ABR: variants seen among roughly 807,000 people sequenced by gnomAD.
ABR encodes ABR activator of RhoGEF and GTPase.
A neutral mutation model predicts 107.2 loss-of-function variants in ABR; 35 were observed. The observed-to-expected ratio is 0.33, with a 90% CI of 0.25 to 0.43. ABR has a LOEUF of 0.43. ABR is among the 20% of genes least tolerant of loss of function. The probability of loss-of-function intolerance (pLI) is 1.00; values close to 1 mark genes in which losing one functional copy is unlikely to be tolerated. For missense variants in ABR, 815 were observed against 1,115.2 expected, an observed-to-expected ratio of 0.73 and a Z score of 3.83; for synonymous variants, 498 against 462.0, an observed-to-expected ratio of 1.08 and a Z score of -1.00.
At chr17:1,177,043 G>T (rs1296041106) in intron 1 of ABR, among the ~76,000 whole-genome samples, 1 of 151,982 alleles carries the variant, frequency 6.6e-6, no homozygotes, top group Non-Finnish European at 1.5e-5. Flanking sequence ...CTGCCACCCT[G>T]TGCCCTGGGT....
chr17:1,220,201 G>A (rs1184642503), intron 1 of ABR, among the ~76,000 whole-genome samples: 1 of 151,920 alleles, frequency 6.6e-6, no homozygotes. Flanking sequence ...TGAGACAGGA[G>A]AATGGTGTGG....
chr17:1,115,467 T>C (rs1203977037), intron 2 of ABR: 1 of 152,262 alleles, frequency 6.6e-6, no homozygotes, highest in Non-Finnish European at 1.5e-5. Context: ...CTTCAGCCAA[T>C]GGGAACTGAC....
intron 16 of ABR, among the ~76,000 whole-genome samples, chr17:1,022,190 G>T (rs918649456): frequency 2.2e-4 from 33 of 152,098 alleles, no homozygotes; most frequent in African/African-American, 8.0e-4. Context: ...CGTGGAAGGT[G>T]GAGCTGTGTG....
intron 18 of ABR, chr17:1,012,188 G>A (rs779497064): frequency 1.9e-5 from 15 of 800,374 alleles, no homozygotes; most frequent in Admixed American, 6.0e-5. Flanking sequence ...GGGCATCGAC[G>A]GACGTGGGCA....
intron 1 of ABR, among the ~76,000 whole-genome samples, chr17:1,197,422 C>G (rs2042590454): frequency 6.6e-6 from 1 of 151,552 alleles, no homozygotes; most frequent in Admixed American, 6.6e-5. Flanking sequence ...AGACACCATC[C>G]CTCTGGCTCC....
upstream of ABR, among the ~76,000 whole-genome samples, chr17:1,183,987 G>A (rs544667286): frequency 6.6e-6 from 1 of 152,296 alleles, no homozygotes; most frequent in South Asian, 2.1e-4. Context: ...GAGATGGGCA[G>A]ATAGCCTGAG....
intron 1 of ABR, among the ~76,000 whole-genome samples, chr17:1,197,290 T>C (rs1412822070): frequency 6.6e-6 from 1 of 151,654 alleles, no homozygotes; most frequent in African/African-American, 2.4e-5. Flanking sequence ...GGCTCTGAGC[T>C]GGAGCCACCT....
At chr17:1,074,754 C>A (rs766821878) in intron 6 of ABR, among the ~76,000 whole-genome samples, 1 of 152,230 alleles carries the variant, frequency 6.6e-6, no homozygotes, top group African/African-American at 2.4e-5. Flanking sequence ...CGAGGCCAGC[C>A]TGGCCAACCA....
At chr17:1,017,628 C>T (rs202246523) in intron 16 of ABR, among the ~76,000 whole-genome samples, 14 of 151,710 alleles carry the variant, frequency 9.2e-5, no homozygotes, top group East Asian at 5.8e-4. Context: ...CCATCACACC[C>T]GGCTAATTTT....
chr17:1,048,808 G>A (rs950335568), intron 16 of ABR, among the ~76,000 whole-genome samples: 4 of 151,676 alleles, frequency 2.6e-5, no homozygotes, highest in African/African-American at 4.9e-5. Flanking sequence ...CAAGAAGCTC[G>A]GCGCCCAGCT....
chr17:1,012,944 AGCGGGCAGGGT>A (rs979719496), intron 17 of ABR, 147 bp from the exon 18 acceptor site: 28 of 1,060,216 alleles, frequency 2.6e-5, no homozygotes, highest in South Asian at 1.7e-4. Flanking sequence ...GCAGGACAGC[AGCGGGCAGGGT>A]GTGGGCAGGA....
intron 2 of ABR, among the ~76,000 whole-genome samples, chr17:1,108,680 A>G (rs574970083): frequency 1.3e-5 from 2 of 152,272 alleles, no homozygotes; most frequent in South Asian, 4.1e-4. Flanking sequence ...CAGGCGCGCC[A>G]GGTGACTCCT....
intron 1 of ABR, among the ~76,000 whole-genome samples, chr17:1,134,249 C>G (rs553571405): frequency 2.0e-5 from 3 of 152,140 alleles, no homozygotes; most frequent in African/African-American, 7.2e-5. Flanking sequence ...CCCGTCTGTA[C>G]TAAAAATACA....
At position 1,078,974 on chromosome 17, in the gene ABR, T is replaced by TCGGG; in HGVS notation, c.700+352_700+355dup. On this transcript the variant is annotated intron_variant, in intron 6 of 22. Transcript: ENST00000302538. This position sits in a 1 kb window ranked among gnomAD's most constrained non-coding sequence, Gnocchi z 7.5. Reference sequence around the variant, plus strand: ...TGATGCTGCCGCACGGACTCCAGCATCGGGCAGCCGCTCCGGAGTGCTCTT... The same window carrying TCGGG: ...TGATGCTGCCGCACGGACTCCAGCATCGGGCGGGCAGCCGCTCCGGAGTGCTCTT... 2 of 1,437,458 alleles carry TCGGG rather than the reference T, an allele frequency of 1.4e-6. No homozygotes were observed. The highest frequency in any genetic ancestry group is 1.8e-6 in the Non-Finnish European group (2 of 1,087,752). The allele number at this position is 1,437,458 out of a possible 1,614,324, so 89.0% of individuals were successfully genotyped here. A position where few individuals can be genotyped will look rare whatever the true frequency, so the allele number is the denominator to read the frequency against.
intron 16 of ABR, among the ~76,000 whole-genome samples, chr17:1,025,659 T>C (rs971057573): frequency 6.6e-6 from 1 of 152,202 alleles, no homozygotes; most frequent in African/African-American, 2.4e-5. Flanking sequence ...TATGGCTGAA[T>C]TCTTCTTGTC....
chr17:1,021,696 G>C (rs953751790), intron 16 of ABR, among the ~76,000 whole-genome samples: 17 of 151,196 alleles, frequency 1.1e-4, no homozygotes, highest in East Asian at 3.9e-4. Context: ...CCCAGCTACT[G>C]GGGAGGCTGA....
chr17:1,051,999 G>T lies in ABR; in HGVS notation c.1562-1365C>A, dbSNP rs2032595444. Among the ~76,000 whole-genome samples the T allele has an allele frequency of 6.6e-6, 1 of 152,040 alleles. No homozygotes were observed. Among genetic ancestry groups the T allele is most frequent in the African/African-American group, 2.4e-5 (1 of 41,404 alleles). ...TGAGGCAGGACAATCGCTTGAACCTGGGGTGTGGAAGTTGCAGTGAGCTGA... is the reference window on the plus strand; with the variant it reads ...TGAGGCAGGACAATCGCTTGAACCTTGGGTGTGGAAGTTGCAGTGAGCTGA... On this transcript the variant is annotated intron_variant, in intron 14 of 22. Transcript: ENST00000302538. The surrounding 1 kb of genome is among the most constrained non-coding windows in gnomAD (Gnocchi z 4.3).
chr17:1,169,426 T>G (rs1311301638), intron 1 of ABR, among the ~76,000 whole-genome samples: 1 of 152,246 alleles, frequency 6.6e-6, no homozygotes, highest in Non-Finnish European at 1.5e-5. Flanking sequence ...GTTACTTTTA[T>G]TCCTATTGGG....
At chr17:1,014,333 T>G (rs6598845) in intron 16 of ABR, among the ~76,000 whole-genome samples, 9 of 121,192 alleles carry the variant, frequency 7.4e-5, no homozygotes, top group African/African-American at 1.3e-4. Flanking sequence ...CCCAGCTACT[T>G]GGGAGGCTGA....
Sources: allele counts gnomAD v4.1 joint callset (sites outside exome capture counted in the v4.1 genomes callset), GRCh38; gene constraint gnomAD v4.1.1; non-coding constraint Gnocchi (gnomAD v3.1); transcripts MANE v1.5; gene names NCBI Gene and HGNC (gene_info 2026-07-23, HGNC 2026-07-21).